The following NPSR1 variants were observed in gnomAD, a reference collection of about 807,000 sequenced individuals.
NPSR1 encodes neuropeptide S receptor.
Under a neutral mutation model 46.9 loss-of-function variants are expected in NPSR1, and 48 were observed. The ratio of observed to expected loss-of-function variants is 1.02; its 90% CI spans 0.81 to 1.30. The LOEUF is 1.30. Among genes scored for constraint, NPSR1 ranks in the 50% most tolerant of loss-of-function variants. The probability of loss-of-function intolerance (pLI) is 0.00; values close to 1 mark genes in which losing one functional copy is unlikely to be tolerated. For synonymous variants in NPSR1, 176 were observed against 168.1 expected, an observed-to-expected ratio of 1.05 and a Z score of -0.36; for missense variants, 450 against 449.5, an observed-to-expected ratio of 1.00 and a Z score of -0.01.
chr7:34,827,848 A>G (rs1270258238), intron 5 of NPSR1, among the ~76,000 whole-genome samples: 1 of 152,220 alleles, frequency 6.6e-6, no homozygotes, highest in Non-Finnish European at 1.5e-5. Flanking sequence ...ATAGCTAACA[A>G]TTATCACATT....
chr7:34,714,661 C>G (rs894625421), intron 2 of NPSR1, among the ~76,000 whole-genome samples: 2 of 152,160 alleles, frequency 1.3e-5, no homozygotes, highest in African/African-American at 4.8e-5. Context: ...GAGCTCCAAG[C>G]TGGGCTCATT....
At chr7:34,840,125 T>C (rs1790512034) in intron 6 of NPSR1, among the ~76,000 whole-genome samples, 1 of 152,112 alleles carries the variant, frequency 6.6e-6, no homozygotes. Context: ...TACAGTTGGC[T>C]CTGGGCTAAA....
intron 2 of NPSR1, among the ~76,000 whole-genome samples, chr7:34,754,708 T>C (rs1370742110): frequency 1.3e-5 from 2 of 152,230 alleles, no homozygotes; most frequent in East Asian, 3.8e-4. Flanking sequence ...TTCACAGATA[T>C]GTATAACCAT....
At chr7:34,775,691 A>G (rs999365062) in intron 2 of NPSR1, among the ~76,000 whole-genome samples, 1 of 151,906 alleles carries the variant, frequency 6.6e-6, no homozygotes, top group African/African-American at 2.4e-5. Flanking sequence ...TTTTTGTTTC[A>G]TTGATATTTT....
chr7:34,751,557 G>A, intron 2 of NPSR1: 2 of 1,591,814 alleles, frequency 1.3e-6, no homozygotes, highest in Non-Finnish European at 1.7e-6. Context: ...TCTTCTCCTT[G>A]GGATCTTTGG....
chr7:34,815,228 T>C (rs1789186293), intron 4 of NPSR1, among the ~76,000 whole-genome samples: 1 of 152,136 alleles, frequency 6.6e-6, no homozygotes, highest in African/African-American at 2.4e-5. Flanking sequence ...AGACCTTAAA[T>C]GACCTGAAGG....
chr7:34,864,657 T>C (rs1219662941), intron 8 of NPSR1, among the ~76,000 whole-genome samples: 1 of 151,900 alleles, frequency 6.6e-6, no homozygotes, highest in Non-Finnish European at 1.5e-5. Context: ...TCCTAGGCCA[T>C]GCACAAAATG....
intron 1 of NPSR1, among the ~76,000 whole-genome samples, chr7:34,679,624 G>C (rs1792511534): frequency 6.6e-6 from 1 of 152,030 alleles, no homozygotes; most frequent in African/African-American, 2.4e-5. Flanking sequence ...TTCTGGGCCT[G>C]CTAGTTCGTT....
At chr7:34,817,789 A>G (rs1029942371) in intron 4 of NPSR1, among the ~76,000 whole-genome samples, 2 of 152,246 alleles carry the variant, frequency 1.3e-5, no homozygotes, top group South Asian at 2.1e-4. Flanking sequence ...AACGTAATCC[A>G]TCACATAAAC....
downstream of NPSR1, among the ~76,000 whole-genome samples, chr7:34,851,004 G>C (rs572285717): frequency 6.6e-6 from 1 of 152,084 alleles, no homozygotes; most frequent in Admixed American, 6.5e-5. Context: ...ATGTTTTCTA[G>C]TCAATTTCTC....
At chr7:34,714,345 C>A (rs899226988) in intron 2 of NPSR1, among the ~76,000 whole-genome samples, 9 of 152,168 alleles carry the variant, frequency 5.9e-5, no homozygotes, top group African/African-American at 2.2e-4. Context: ...CACAAGGGTG[C>A]GAATAATATG....
At chr7:34,741,379 T>C (rs1026694381) in intron 2 of NPSR1, among the ~76,000 whole-genome samples, 5 of 152,222 alleles carry the variant, frequency 3.3e-5, no homozygotes, top group African/African-American at 7.2e-5. Context: ...ATCTCTTTGA[T>C]TTACTTGTAC....
Position 34,814,109 on chromosome 7 carries a change from G to A in NPSR1, c.478+2246G>A, listed in dbSNP as rs192809753. 2.7e-3 allele frequency among the ~76,000 whole-genome samples: 408 copies of A among 152,348 alleles called. 3 individuals are homozygous for A. Among genetic ancestry groups the A allele is most frequent in the Non-Finnish European group, 3.6e-3 (245 of 68,030 alleles). On this transcript the variant is annotated intron_variant, in intron 4 of 8. Transcript: ENST00000360581. Reference sequence around the variant, plus strand: ...GTGAGCCAAAGCAGGGCAGGGCATCGCCTCACCTGGGGAGCACAAAGGGTT... The same window carrying A: ...GTGAGCCAAAGCAGGGCAGGGCATCACCTCACCTGGGGAGCACAAAGGGTT...
chr7:34,672,002 A>G (rs1002754431), intron 1 of NPSR1, among the ~76,000 whole-genome samples: 5 of 152,238 alleles, frequency 3.3e-5, no homozygotes, highest in Non-Finnish European at 7.3e-5. Context: ...ATCATCAGGA[A>G]TAATACATTC....
intron 8 of NPSR1, among the ~76,000 whole-genome samples, chr7:34,870,826 G>C (rs1400808609): frequency 6.6e-6 from 1 of 151,478 alleles, no homozygotes; most frequent in African/African-American, 2.5e-5. Flanking sequence ...GAAAAAACAG[G>C]GTGGCCTAAT....
chr7:34,776,578 G>T (rs147886378), intron 2 of NPSR1, among the ~76,000 whole-genome samples: 1 of 151,740 alleles, frequency 6.6e-6, no homozygotes, highest in Non-Finnish European at 1.5e-5. Flanking sequence ...TTTATTTTCC[G>T]CCTACATATG....
chr7:34,760,822 T>C (rs1287585057), intron 2 of NPSR1, among the ~76,000 whole-genome samples: 1 of 152,148 alleles, frequency 6.6e-6, no homozygotes, highest in Non-Finnish European at 1.5e-5. Flanking sequence ...AGTACTTTGA[T>C]GAAACAGCAC....
chr7:34,823,882 G>C (rs1789696612), intron 4 of NPSR1, among the ~76,000 whole-genome samples: 1 of 152,160 alleles, frequency 6.6e-6, no homozygotes, highest in Non-Finnish European at 1.5e-5. Flanking sequence ...CTCCAGGGCA[G>C]ATCTGGGAGC....
chr7:34,713,800 C>T (rs1447717442), intron 2 of NPSR1, among the ~76,000 whole-genome samples: 5 of 152,194 alleles, frequency 3.3e-5, no homozygotes, highest in African/African-American at 4.8e-5. Context: ...AGGCCTGTCC[C>T]GGATCCCTCC....
Sources: allele counts gnomAD v4.1 joint callset (sites outside exome capture counted in the v4.1 genomes callset), GRCh38; gene constraint gnomAD v4.1.1; transcripts MANE v1.5; gene names NCBI Gene and HGNC (gene_info 2026-07-23, HGNC 2026-07-21).